Variants in UCN3 observed in about 807,000 individuals in gnomAD.
UCN3 encodes urocortin 3.
In UCN3, 3 loss-of-function variants were observed where a neutral mutation model predicts 3.6. The observed-to-expected ratio is 0.83, with a 90% CI of 0.38 to 2.15. UCN3 has a LOEUF of 2.15. Among genes scored for constraint, UCN3 ranks in the 30% most tolerant of loss-of-function variants. The pLI is 0.06. For synonymous variants in UCN3, 100 were observed against 93.2 expected (o/e 1.07, Z -0.42); for missense variants, 206 against 208.3 (o/e 0.99, Z 0.07).
chr10:5,369,917 G>GTGCGTGTA (rs1831321221), intron 1 of UCN3, among the ~76,000 whole-genome samples: 4 of 125,796 alleles, frequency 3.2e-5, no homozygotes, highest in African/African-American at 1.3e-4. Context: ...GTGTGTATAT[G>GTGCGTGTA]TGTGTGTATG....
In UCN3 at chr10:5,365,619, G is replaced by A. The variant is rs1362150431; in HGVS notation, c.-7+389G>A. 6.6e-6 allele frequency among the ~76,000 whole-genome samples: 1 copy of A among 152,166 alleles called. No homozygotes were observed. The highest frequency in any genetic ancestry group is 1.5e-5 in the Non-Finnish European group (1 of 68,042). On this transcript the variant is annotated intron_variant, in intron 1 of 1. Coordinates refer to ENST00000380433, the MANE Select transcript of UCN3 (RefSeq NM_053049.4). The surrounding 1 kb of genome is among the most constrained non-coding windows in gnomAD (Gnocchi z 4.4). The stretch of plus-strand genomic sequence containing the variant: ...ATGCCGGGGCTAATGGGAGCCACAG[G>A]ACATGACTCCACGCCGCCTGCAAAG...
chr10:5,370,211 ATGTGTGTGTATG>A (rs1243901371), intron 1 of UCN3, among the ~76,000 whole-genome samples: 1 of 16,876 alleles, frequency 5.9e-5, no homozygotes, highest in African/African-American at 4.9e-4. Flanking sequence ...ATGCGTGTGT[ATGTGTGTGTATG>A]TGCGTGTGTG....
intron 1 of UCN3, among the ~76,000 whole-genome samples, chr10:5,368,910 G>A (rs1554810933): frequency 6.6e-6 from 1 of 152,176 alleles, no homozygotes; most frequent in Non-Finnish European, 1.5e-5. Context: ...TCGGGTCAGA[G>A]CACGCAGAGC....
chr10:5,369,915 ATGTGTGTGTATG>A lies in UCN3; in HGVS notation c.-6-3790_-6-3779del, dbSNP rs1564442068. On this transcript the variant is annotated intron_variant, in intron 1 of 1. Transcript: ENST00000380433. Reference sequence around the variant, plus strand: ...TGTGTGTGTATATGTGTGTGTGTATATGTGTGTGTATGTGTGTGTGTGTATGTGTGTGTATAT... The same window carrying A: ...TGTGTGTGTATATGTGTGTGTGTATATGTGTGTGTGTATGTGTGTGTATAT... 2.6e-4 allele frequency among the ~76,000 whole-genome samples: 20 copies of A among 77,458 alleles called. 1 individual carries two copies. The highest frequency in any genetic ancestry group is 1.1e-3 in the East Asian group (2 of 1,830). 50.8% of individuals were successfully genotyped at this position (77,458 alleles called of 152,430 possible).
In UCN3 at chr10:5,370,223, G is replaced by GTGTGTGTGTGTATGCGTGTGTGTA. The variant is rs781842004; in HGVS notation, c.-6-3490_-6-3489insTGTGTGTGTATGCGTGTGTGTATG. On this transcript the variant is annotated intron_variant, in intron 1 of 1. Coordinates refer to ENST00000380433, the MANE Select transcript of UCN3 (RefSeq NM_053049.4). ...TATATGCGTGTGTATGTGTGTGTAT[G>GTGTGTGTGTGTATGCGTGTGTGTA]TGCGTGTGTGTATGCGTGTGTGTAT... Among the ~76,000 whole-genome samples the GTGTGTGTGTGTATGCGTGTGTGTA allele has an allele frequency of 1.5e-4, 2 of 13,764 alleles. 1 individual carries two copies. Among genetic ancestry groups the GTGTGTGTGTGTATGCGTGTGTGTA allele is most frequent in the Non-Finnish European group, 2.2e-4 (2 of 9,044 alleles). 9.0% of individuals were successfully genotyped at this position (13,764 alleles called of 152,430 possible). A position where few individuals can be genotyped will look rare whatever the true frequency, so the allele number is the denominator to read the frequency against.
chr10:5,370,281 A>ATATGCGTGTGTG lies in UCN3; in HGVS notation c.-6-3422_-6-3411dup, dbSNP rs1387248623. ...TATATGCGTGTGTATATGCGTGTGT[A>ATATGCGTGTGTG]TATGCGTGTGTGTATGCGTGTGTAT... On this transcript the variant is annotated intron_variant, in intron 1 of 1. Coordinates refer to ENST00000380433, the MANE Select transcript of UCN3 (RefSeq NM_053049.4). Among the ~76,000 whole-genome samples, 4 of 61,172 alleles carry ATATGCGTGTGTG rather than the reference A, an allele frequency of 6.5e-5. 1 individual carries two copies. The highest frequency in any genetic ancestry group is 1.3e-4 in the Non-Finnish European group (4 of 31,884). The allele number at this position is 61,172 out of a possible 152,430, so 40.1% of individuals were successfully genotyped here.
At chr10:5,370,631 G>A (rs369924896) in intron 1 of UCN3, among the ~76,000 whole-genome samples, 6 of 87,226 alleles carry the variant, frequency 6.9e-5, no homozygotes, top group East Asian at 4.8e-4. Flanking sequence ...ATATGCGTGT[G>A]TATGTGTGTG....
At position 5,366,670 on chromosome 10, in the gene UCN3, GTT is replaced by G. The variant is rs1176608120; in HGVS notation, c.-7+1441_-7+1442del. On this transcript the variant is annotated intron_variant, in intron 1 of 1. Transcript: ENST00000380433. This position sits in a 1 kb window ranked among gnomAD's most constrained non-coding sequence, Gnocchi z 4.2. ...CACTTTGATGGTGAAACCATCCAGG[GTT>G]GCAAAGAACCCTTACATTTTAAACG... Among the ~76,000 whole-genome samples, 2 of 152,138 alleles carry G rather than the reference GTT, an allele frequency of 1.3e-5. No individual in the cohort carries two copies. The highest frequency in any genetic ancestry group is 2.4e-5 in the African/African-American group (1 of 41,412).
chr10:5,370,535 ATATGCGTGTATATGTGTGTATATG>A (rs1831373483), intron 1 of UCN3, among the ~76,000 whole-genome samples: 1 of 68,928 alleles, frequency 1.5e-5, no homozygotes, highest in Non-Finnish European at 2.6e-5. Flanking sequence ...GTGTGTGTGT[ATATGCGTGTATATGTGTGTATATG>A]TGTGTGTATA....
chr10:5,371,610 G>C (rs1269495653), intron 1 of UCN3, among the ~76,000 whole-genome samples: 1 of 152,100 alleles, frequency 6.6e-6, no homozygotes, highest in Non-Finnish European at 1.5e-5. Context: ...TCATGTGTGG[G>C]AAATGGCCTC....
At chr10:5,370,770 T>C (rs1831394140) in intron 1 of UCN3, among the ~76,000 whole-genome samples, 1 of 140,354 alleles carries the variant, frequency 7.1e-6, no homozygotes, top group South Asian at 2.3e-4. Context: ...TATATGCGTG[T>C]GTATATGCGT....
chr10:5,374,135 A>G lies in UCN3; in HGVS notation c.415A>G (p.Lys139Glu). 1 of 1,613,250 alleles carries G rather than the reference A, an allele frequency of 6.2e-7. No homozygotes were observed. Among genetic ancestry groups the G allele is most frequent in the Admixed American group, 1.7e-5 (1 of 59,974 alleles). The change falls in exon 2 of 2, where the codon AAG (lysine) becomes GAG (glutamate). Residue 139 changes from lysine (K) to glutamate (E), a missense_variant. Physicochemically the swap from Lys to Glu is moderately conservative, Grantham distance 56 (BLOSUM62 1). Coordinates refer to ENST00000380433, the MANE Select transcript of UCN3 (RefSeq NM_053049.4). ...NIMNLLFNIA[K>E]AKNLRAQAAA... Reference sequence around the variant, plus strand: ...CATGAACCTCCTCTTCAACATCGCCAAGGCCAAGAACCTGCGTGCCCAGGC... The same window carrying G: ...CATGAACCTCCTCTTCAACATCGCCGAGGCCAAGAACCTGCGTGCCCAGGC...
In UCN3 at chr10:5,373,836, C is replaced by G. The variant is rs1020308886; in HGVS notation, c.116C>G (p.Ala39Gly). ...AKPIFSCLNT[A>G]LSEAEKGQWE... ...CCCATCTTCAGCTGCCTCAACACCG[C>G]CCTGTCTGAGGCTGAGAAGGGCCAG... Residue 39 changes from alanine (A) to glycine (G), a missense_variant, in exon 2 of 2, where the codon GCC becomes GGC. By Grantham distance (60) the Ala-to-Gly change is moderately conservative. Transcript: ENST00000380433. 2.5e-6 allele frequency: 4 copies of G among 1,613,978 alleles called. No homozygotes were observed. The Admixed American group carries it at 5.0e-5, about 20-fold the overall frequency.
In UCN3 at chr10:5,370,320, TGTGTATATGC is replaced by T. The variant is rs1329395626; in HGVS notation, c.-6-3390_-6-3381del. On this transcript the variant is annotated intron_variant, in intron 1 of 1. Coordinates refer to ENST00000380433, the MANE Select transcript of UCN3 (RefSeq NM_053049.4). ...ATGCGTGTGTATATGCGTGTATGTG[TGTGTATATGC>T]GTGTGTATATGCGTGTGTATATGTG... Among the ~76,000 whole-genome samples the T allele has an allele frequency of 2.7e-4, 26 of 94,636 alleles. 5 individuals are homozygous for T. Among genetic ancestry groups the T allele is most frequent in the African/African-American group, 1.1e-3 (22 of 19,698 alleles). 62.1% of individuals were successfully genotyped at this position (94,636 alleles called of 152,430 possible).
At chr10:5,373,187 C>T (rs782265946) in intron 1 of UCN3, among the ~76,000 whole-genome samples, 3 of 152,136 alleles carry the variant, frequency 2.0e-5, no homozygotes, top group African/African-American at 7.2e-5. Flanking sequence ...GATAGCCTAG[C>T]GAGAAACCAG....
intron 1 of UCN3, among the ~76,000 whole-genome samples, chr10:5,370,676 T>TATGC: frequency 1.0e-5 from 1 of 97,552 alleles, no homozygotes; most frequent in African/African-American, 4.0e-5. Flanking sequence ...TGTGTGTGTA[T>TATGC]GTGTGTGTGT....
chr10:5,373,587 T>G (rs1554811720), intron 1 of UCN3, 128 bp from the exon 2 acceptor site: 5 of 1,419,130 alleles, frequency 3.5e-6, no homozygotes, highest in Non-Finnish European at 4.7e-6. Flanking sequence ...ATGCTGCTGG[T>G]CTGGGGGTCA....
chr10:5,369,028 T>G (rs1033002721), intron 1 of UCN3, among the ~76,000 whole-genome samples: 1 of 152,148 alleles, frequency 6.6e-6, no homozygotes, highest in Admixed American at 6.5e-5. Flanking sequence ...CAGAAACTCT[T>G]GGGACGGGGC....
chr10:5,372,703 C>T (rs2119112594), intron 1 of UCN3, among the ~76,000 whole-genome samples: 1 of 150,682 alleles, frequency 6.6e-6, no homozygotes, highest in East Asian at 2.0e-4. Context: ...GTGCACACCA[C>T]CACGCCCAGC....
Sources: gnomAD v4.1 joint callset for allele counts (sites outside exome capture counted in the v4.1 genomes callset) on GRCh38, gnomAD v4.1.1 for gene constraint, Gnocchi (gnomAD v3.1) non-coding constraint, MANE v1.5 for transcripts, NCBI Gene and HGNC (gene_info 2026-07-23, HGNC 2026-07-21) for gene names.